Variants in PRELID2 observed in about 807,000 individuals in gnomAD.
The protein encoded by PRELID2 is PRELI domain containing 2.
PRELID2 carries 25 observed loss-of-function variants against 28.4 expected under a neutral mutation model. The ratio of observed to expected loss-of-function variants is 0.88; its 90% CI spans 0.64 to 1.23. The LOEUF (loss-of-function observed/expected upper bound fraction) is 1.23, where lower values mean the gene tolerates loss of function less well. Ranked by LOEUF, PRELID2 falls within the 50% of genes most tolerant of loss-of-function variation. PRELID2 has a pLI of 0.00. For synonymous variants in PRELID2, 76 were observed against 71.6 expected, an observed-to-expected ratio of 1.06 and a Z score of -0.31; for missense variants, 201 against 214.4, an observed-to-expected ratio of 0.94 and a Z score of 0.39.
At chr5:145,801,391 G>A (rs1415798017) in intron 4 of PRELID2, among the ~76,000 whole-genome samples, 1 of 152,074 alleles carries the variant, frequency 6.6e-6, no homozygotes, top group Non-Finnish European at 1.5e-5. Context: ...TGTACTTGAA[G>A]TACATAGTGT....
At chr5:145,614,576 CT>C (rs61424758) in intron 1 of PRELID2, among the ~76,000 whole-genome samples, 9 of 151,790 alleles carry the variant, frequency 5.9e-5, no homozygotes, top group East Asian at 3.9e-4. Flanking sequence ...ATTTTTATTA[CT>C]TTTTTTTGCA....
chr5:145,369,568 G>A, the PRELID2 span, among the ~76,000 whole-genome samples: 938 of 152,122 alleles, frequency 6.2e-3, 12 homozygotes, highest in African/African-American at 0.021. Context: ...TGTAAATAGC[G>A]CTGCACTAAA....
chr5:145,742,001 T>A (rs1270618961), intron 1 of PRELID2, among the ~76,000 whole-genome samples: 1 of 36,216 alleles, frequency 2.8e-5, no homozygotes, highest in Non-Finnish European at 6.5e-5. Context: ...TTATTATAAA[T>A]AATAAATTTA....
chr5:145,578,547 A>T (rs1438898238), intron 1 of PRELID2, among the ~76,000 whole-genome samples: 4 of 152,070 alleles, frequency 2.6e-5, no homozygotes, highest in African/African-American at 9.7e-5. Flanking sequence ...AGCAGAAAAG[A>T]AGTAGTCTGT....
intron 4 of PRELID2, among the ~76,000 whole-genome samples, chr5:145,796,948 T>C (rs1172129900): frequency 6.6e-6 from 1 of 152,012 alleles, no homozygotes; most frequent in Admixed American, 6.6e-5. Context: ...ATATGAAGAG[T>C]TCCTAACACA....
intron 1 of PRELID2, among the ~76,000 whole-genome samples, chr5:145,556,213 C>CT (rs1373605143): frequency 6.8e-6 from 1 of 146,168 alleles, no homozygotes; most frequent in Non-Finnish European, 1.5e-5. Context: ...GAAAAGAAAA[C>CT]TTTTACTCAA....
chr5:145,750,520 A>G (rs1757098287), intron 1 of PRELID2, among the ~76,000 whole-genome samples: 1 of 152,102 alleles, frequency 6.6e-6, no homozygotes, highest in South Asian at 2.1e-4. Context: ...ATCAAATCAG[A>G]TGCTAAGATT....
chr5:145,738,756 T>C (rs1756567391), intron 1 of PRELID2, among the ~76,000 whole-genome samples: 1 of 152,170 alleles, frequency 6.6e-6, no homozygotes, highest in African/African-American at 2.4e-5. Context: ...GGTGAGGCTC[T>C]TTGAGTGAGT....
the PRELID2 span, among the ~76,000 whole-genome samples, chr5:145,309,679 T>TTTA: frequency 6.6e-6 from 1 of 152,182 alleles, no homozygotes. Context: ...TCTTCCTATC[T>TTTA]CACTTATCTT....
chr5:145,466,811 C>T (rs555040760), downstream of PRELID2, among the ~76,000 whole-genome samples: 1 of 152,170 alleles, frequency 6.6e-6, no homozygotes, highest in African/African-American at 2.4e-5. Context: ...CTTCTTAACC[C>T]CAACCCACTC....
chr5:145,282,314 T>G, the PRELID2 span, among the ~76,000 whole-genome samples: 62 of 152,306 alleles, frequency 4.1e-4, no homozygotes, highest in African/African-American at 1.5e-3. Flanking sequence ...TTATTGTGCC[T>G]AACCATTTGA....
Position 145,763,577 on chromosome 5 carries a change from G to A in PRELID2, c.*10+1354C>T, listed in dbSNP as rs916538604. ...CAGGTCTGGACAGCATGCTTTACAC[G>A]CCAAGGTGCTTGTATATGATGTTCC... On this transcript the variant is annotated intron_variant, in intron 6 of 6. Transcript: ENST00000683046. Among the ~76,000 whole-genome samples, 8 of 152,132 alleles carry A rather than the reference G, an allele frequency of 5.3e-5. No individual in the cohort carries two copies. The South Asian group carries it at 6.2e-4, about 12-fold the overall frequency.
intron 1 of PRELID2, among the ~76,000 whole-genome samples, chr5:145,539,791 G>C (rs146780777): frequency 6.6e-6 from 1 of 151,450 alleles, no homozygotes; most frequent in Admixed American, 6.6e-5. Context: ...TAAATATTAC[G>C]TTTCCAGAAA....
chr5:145,503,647 T>C (rs1296886515), intron 1 of PRELID2, among the ~76,000 whole-genome samples: 1 of 152,188 alleles, frequency 6.6e-6, no homozygotes, highest in East Asian at 1.9e-4. Flanking sequence ...CCCAGGAGTT[T>C]GCTGGTCCTG....
At chr5:145,258,659 A>G in the PRELID2 span, among the ~76,000 whole-genome samples, 1 of 152,218 alleles carries the variant, frequency 6.6e-6, no homozygotes, top group East Asian at 1.9e-4. Flanking sequence ...ATGCAAGAGC[A>G]AAGAAAATAC....
At chr5:145,238,209 A>G in the PRELID2 span, among the ~76,000 whole-genome samples, 2 of 152,122 alleles carry the variant, frequency 1.3e-5, no homozygotes, top group Non-Finnish European at 2.9e-5. Context: ...TTTTTGCTAT[A>G]CATTTCTATG....
chr5:145,705,398 T>G (rs1262493700), intron 1 of PRELID2, among the ~76,000 whole-genome samples: 1 of 152,036 alleles, frequency 6.6e-6, no homozygotes, highest in Non-Finnish European at 1.5e-5. Context: ...GAGACGGGGT[T>G]TGACCATATT....
chr5:145,459,229 G>C, the PRELID2 span, among the ~76,000 whole-genome samples: 3 of 152,102 alleles, frequency 2.0e-5, no homozygotes, highest in Admixed American at 1.3e-4. Flanking sequence ...CTGGAATCTT[G>C]TGTCCTGGAG....
At chr5:145,584,757 G>T (rs1456081483) in intron 1 of PRELID2, among the ~76,000 whole-genome samples, 1 of 152,072 alleles carries the variant, frequency 6.6e-6, no homozygotes, top group Non-Finnish European at 1.5e-5. Context: ...CAGTCAGAAT[G>T]GTGATTATTA....
Sources: allele counts gnomAD v4.1 joint callset (sites outside exome capture counted in the v4.1 genomes callset), GRCh38; gene constraint gnomAD v4.1.1; transcripts MANE v1.5; gene names NCBI Gene and HGNC (gene_info 2026-07-23, HGNC 2026-07-21).